Variants in HTR5A observed in about 807,000 individuals in gnomAD.
HTR5A encodes 5-HT-5.
Under a neutral mutation model 24.3 loss-of-function variants are expected in HTR5A, and 21 were observed. That is an observed-to-expected ratio of 0.86 (90% CI 0.61 to 1.24). The LOEUF (loss-of-function observed/expected upper bound fraction) is 1.24, where lower values mean the gene tolerates loss of function less well. HTR5A is among the 50% of genes most tolerant of loss of function. The pLI, the probability that HTR5A is intolerant of heterozygous loss-of-function variation, is 0.00. For synonymous variants in HTR5A, 260 were observed against 213.7 expected, an observed-to-expected ratio of 1.22 and a Z score of -1.89; for missense variants, 497 against 489.5, an observed-to-expected ratio of 1.02 and a Z score of -0.15.
Position 155,085,247 on chromosome 7 carries a change from A to G in HTR5A, c.*760A>G, listed in dbSNP as rs1351073520. ...TTGAAGCAACAGTTTATAAACAGGA[A>G]AGTCTACTGGTTTCATAGAATCTGT... On this transcript the variant is annotated 3_prime_UTR_variant, in exon 2 of 2. Coordinates refer to ENST00000287907, the MANE Select transcript of HTR5A (RefSeq NM_024012.4). 2 of 152,244 alleles carry G rather than the reference A, an allele frequency of 1.3e-5. No homozygotes were observed. The highest frequency in any genetic ancestry group is 2.9e-5 in the Non-Finnish European group (2 of 68,048). The allele number at this position is 152,244 out of a possible 1,614,324, so 9.4% of individuals were successfully genotyped here. A position where few individuals can be genotyped will look rare whatever the true frequency, so the allele number is the denominator to read the frequency against.
rs138085849 is a variant in HTR5A, at chr7:155,085,965, C to G, written c.*1478C>G. 1.2e-4 allele frequency among the ~76,000 whole-genome samples: 18 copies of G among 152,256 alleles called. 1 individual carries two copies. In the East Asian group the frequency reaches 3.5e-3, roughly 29 times the overall value. On this transcript the variant is annotated 3_prime_UTR_variant, in exon 2 of 2. Transcript: ENST00000287907. ...AATATGCTAAATGCAGATCTTTATG[C>G]ATTCAAGCAGATTCATTGAGAAATT...
At chr7:155,082,428 G>A (rs924027520) in intron 1 of HTR5A, among the ~76,000 whole-genome samples, 2 of 152,180 alleles carry the variant, frequency 1.3e-5, no homozygotes, top group African/African-American at 2.4e-5. Flanking sequence ...AGCATCTCTA[G>A]TATGATCAGA....
Position 155,071,286 on chromosome 7 carries a change from C to T in HTR5A, c.387C>T (p.Ile129=). The T allele has an allele frequency of 6.2e-7, 1 of 1,609,010 alleles. No individual in the cohort carries two copies. Among genetic ancestry groups the T allele is most frequent in the East Asian group, 2.2e-5 (1 of 44,876 alleles). The change falls in exon 1 of 2, where the codon ATC becomes ATT. Residue 129 remains isoleucine (I), a synonymous_variant. Transcript: ENST00000287907. Reference sequence around the variant, plus strand: ...ACGTGCTTTGCTGCACGGCCAGCATCTGGAACGTGACGGCCATAGCCCTGG... The same window carrying T: ...ACGTGCTTTGCTGCACGGCCAGCATTTGGAACGTGACGGCCATAGCCCTGG... ...ACDVLCCTAS[I]WNVTAIALDR... is the part of the protein sequence containing the mutation.
In HTR5A at chr7:155,070,843, T is replaced by C. The variant is rs1585118006; in HGVS notation, c.-57T>C. 4 of 1,534,626 alleles carry C rather than the reference T, an allele frequency of 2.6e-6. No individual in the cohort carries two copies. The East Asian group carries it at 9.0e-5, about 35-fold the overall frequency. ...TTGGCTCTGGGCACAGTGGCCGCCT[T>C]AAGTCCTCCTGAACACCCCTTCTGC... On this transcript the variant is annotated 5_prime_UTR_variant, in exon 1 of 2. Transcript: ENST00000287907.
rs1426725670 is a variant in HTR5A at position 155,070,705 on chromosome 7, C to T, written c.-195C>T. 9.5e-6 allele frequency: 6 copies of T among 632,540 alleles called. No homozygotes were observed. Among genetic ancestry groups the T allele is most frequent in the African/African-American group, 1.8e-5 (1 of 54,786 alleles). 39.2% of individuals were successfully genotyped at this position (632,540 alleles called of 1,614,324 possible). The stretch of plus-strand genomic sequence containing the variant: ...TAGCCTCTGAGGGCTTCAGACCTGC[C>T]GCGCTTGCAGCCACACCATCTCCAA... On this transcript the variant is annotated 5_prime_UTR_variant, in exon 1 of 2. Coordinates refer to ENST00000287907, the MANE Select transcript of HTR5A (RefSeq NM_024012.4).
chr7:155,079,761 T>C (rs1795396163), intron 1 of HTR5A, among the ~76,000 whole-genome samples: 1 of 152,132 alleles, frequency 6.6e-6, no homozygotes, highest in Admixed American at 6.6e-5. Flanking sequence ...GCAACTGTGG[T>C]TGGTCAACAG....
At chr7:155,083,205 TGA>T (rs1795436859) in intron 1 of HTR5A, among the ~76,000 whole-genome samples, 1 of 152,188 alleles carries the variant, frequency 6.6e-6, no homozygotes. Flanking sequence ...GAGAACAAAC[TGA>T]GTAAATATTT....
At position 155,077,487 on chromosome 7, in the gene HTR5A, A is replaced by G. The variant is rs540110432; in HGVS notation, c.741+5847A>G. 3.1e-3 allele frequency among the ~76,000 whole-genome samples: 432 copies of G among 138,322 alleles called. 3 individuals carry two copies. The highest frequency in any genetic ancestry group is 1.0e-2 in the African/African-American group (368 of 36,902). 90.7% of individuals were successfully genotyped at this position (138,322 alleles called of 152,430 possible). A position where few individuals can be genotyped will look rare whatever the true frequency, so the allele number is the denominator to read the frequency against. ...TTTTGTTTTTTTTTTTTTTTGAGAC[A>G]GAGTCTCACACTGTTGTCTAGGCCA... On this transcript the variant is annotated intron_variant, in intron 1 of 1. Coordinates refer to ENST00000287907, the MANE Select transcript of HTR5A (RefSeq NM_024012.4).
At position 155,070,791 on chromosome 7, in the gene HTR5A, A is replaced by T; in HGVS notation, c.-109A>T. Reference sequence around the variant, plus strand: ...ACAGGCACTTTCCAGAAACTCCCCCACTGGCCAGAGGTTGCAAACATCCGG... The same window carrying T: ...ACAGGCACTTTCCAGAAACTCCCCCTCTGGCCAGAGGTTGCAAACATCCGG... On this transcript the variant is annotated 5_prime_UTR_variant, in exon 1 of 2. Coordinates refer to ENST00000287907, the MANE Select transcript of HTR5A (RefSeq NM_024012.4). The T allele has an allele frequency of 8.7e-7, 1 of 1,153,194 alleles. No homozygotes were observed. The highest frequency in any genetic ancestry group is 1.2e-6 in the Non-Finnish European group (1 of 815,648). The allele number at this position is 1,153,194 out of a possible 1,614,324, so 71.4% of individuals were successfully genotyped here. A position where few individuals can be genotyped will look rare whatever the true frequency, so the allele number is the denominator to read the frequency against.
chr7:155,075,769 G>T (rs1795352918), intron 1 of HTR5A, among the ~76,000 whole-genome samples: 1 of 152,144 alleles, frequency 6.6e-6, no homozygotes, highest in Non-Finnish European at 1.5e-5. Flanking sequence ...GACTATTTGG[G>T]TTAATTGTTG....
intron 1 of HTR5A, 121 bp downstream of exon 1, chr7:155,071,761 G>A: frequency 4.2e-6 from 4 of 959,870 alleles, no homozygotes; most frequent in African/African-American, 1.6e-5. Flanking sequence ...GGGAGTGGGG[G>A]GAGTAAACTG....
In HTR5A at chr7:155,086,134, C is replaced by G. The variant is rs1346717928; in HGVS notation, c.*1647C>G. ...ACTTTTCCCCATTATTACTCGAAAT[C>G]AGAGAGAATAACAAATGCTATTGTT... On this transcript the variant is annotated 3_prime_UTR_variant, in exon 2 of 2. Coordinates refer to ENST00000287907, the MANE Select transcript of HTR5A (RefSeq NM_024012.4). 6.6e-6 allele frequency among the ~76,000 whole-genome samples: 1 copy of G among 152,106 alleles called. No individual in the cohort carries two copies. The highest frequency in any genetic ancestry group is 1.5e-5 in the Non-Finnish European group (1 of 68,006).
chr7:155,071,417 C>T lies in HTR5A; in HGVS notation c.518C>T (p.Ser173Phe). The change falls in exon 1 of 2, where the codon TCT becomes TTT. Residue 173 changes from serine to phenylalanine, a missense_variant. Ser to Phe is a radical substitution (Grantham distance 155, BLOSUM62 -2). Coordinates refer to ENST00000287907, the MANE Select transcript of HTR5A (RefSeq NM_024012.4). ...ALTWALSAVI[S>F]LAPLLFGWGE... ...ACCTGGGCACTCTCCGCTGTCATCT[C>T]TCTGGCCCCGCTGCTTTTTGGCTGG... The T allele has an allele frequency of 1.2e-6, 2 of 1,614,244 alleles. No individual in the cohort carries two copies. Among genetic ancestry groups the T allele is most frequent in the Non-Finnish European group, 1.7e-6 (2 of 1,180,052 alleles).
intron 1 of HTR5A, among the ~76,000 whole-genome samples, chr7:155,075,932 G>C (rs1458959972): frequency 6.6e-6 from 1 of 152,176 alleles, no homozygotes; most frequent in Non-Finnish European, 1.5e-5. Flanking sequence ...TTGTCCCTTT[G>C]GACTCTTCAT....
At chr7:155,072,291 C>T (rs989501746) in intron 1 of HTR5A, among the ~76,000 whole-genome samples, 1 of 152,172 alleles carries the variant, frequency 6.6e-6, no homozygotes, top group African/African-American at 2.4e-5. Context: ...CTTCCACTGC[C>T]TTAGGGTGTT....
rs149355608 is a variant in HTR5A at position 155,071,060 on chromosome 7, C to T, written c.161C>T (p.Thr54Met). ...LTLLGFLVAATFAWNLLVLAT... is the reference protein window; with the variant it reads ...LTLLGFLVAAMFAWNLLVLAT... ...TTGCTGGGCTTTCTGGTGGCGGCGA[C>T]GTTCGCCTGGAACCTGCTGGTGCTG... Residue 54 changes from threonine to methionine, a missense_variant, in exon 1 of 2, where the codon ACG becomes ATG. Transcript: ENST00000287907. 1 of 1,609,844 alleles carries T rather than the reference C, an allele frequency of 6.2e-7. No homozygotes were observed. Among genetic ancestry groups the T allele is most frequent in the South Asian group, 1.1e-5 (1 of 91,088 alleles).
At chr7:155,072,993 A>C (rs574851405) in intron 1 of HTR5A, among the ~76,000 whole-genome samples, 122 of 152,278 alleles carry the variant, frequency 8.0e-4, no homozygotes, top group Middle Eastern at 3.4e-3. Flanking sequence ...GCCCTCCAGG[A>C]AACATTTGGG....
chr7:155,071,451 G>T lies in HTR5A; in HGVS notation c.552G>T (p.Thr184=), dbSNP rs376142972. The T allele has an allele frequency of 6.2e-7, 1 of 1,614,222 alleles. No individual in the cohort carries two copies. Among genetic ancestry groups the T allele is most frequent in the Non-Finnish European group, 8.5e-7 (1 of 1,180,038 alleles). The change falls in exon 1 of 2, where the codon ACG becomes ACT. Residue 184 remains threonine, a synonymous_variant. Transcript: ENST00000287907. ...LAPLLFGWGE[T]YSEGSEECQV... is the part of the protein sequence containing the mutation. ...CGCTGCTTTTTGGCTGGGGAGAGAC[G>T]TACTCTGAGGGCAGCGAGGAGTGCC...
Position 155,085,989 on chromosome 7 carries a change from T to C in HTR5A, c.*1502T>C, listed in dbSNP as rs1214018346. Among the ~76,000 whole-genome samples the C allele has an allele frequency of 6.6e-6, 1 of 152,230 alleles. No homozygotes were observed. The highest frequency in any genetic ancestry group is 1.5e-5 in the Non-Finnish European group (1 of 68,038). On this transcript the variant is annotated 3_prime_UTR_variant, in exon 2 of 2. Coordinates refer to ENST00000287907, the MANE Select transcript of HTR5A (RefSeq NM_024012.4). ...GCATTCAAGCAGATTCATTGAGAAA[T>C]TTAGTGATAAGAATTGAAGAATTTA...
Sources: allele counts gnomAD v4.1 joint callset (sites outside exome capture counted in the v4.1 genomes callset), GRCh38; gene constraint gnomAD v4.1.1; transcripts MANE v1.5; gene names NCBI Gene and HGNC (gene_info 2026-07-23, HGNC 2026-07-21).